CSMD1: variants seen among roughly 807,000 people sequenced by gnomAD.
The protein encoded by CSMD1 is CUB and sushi domain-containing protein 1.
In CSMD1, 213 loss-of-function variants were observed where a neutral mutation model predicts 417.5. The ratio of observed to expected loss-of-function variants is 0.51; its 90% CI spans 0.46 to 0.57. CSMD1 has a LOEUF of 0.57. Ranked by LOEUF, CSMD1 falls within the 20% of genes least tolerant of loss-of-function variation. The probability of loss-of-function intolerance (pLI) is 0.00; values close to 1 mark genes in which losing one functional copy is unlikely to be tolerated. For synonymous variants in CSMD1, 2,862 were observed against 1,736.8 expected, an observed-to-expected ratio of 1.65 and a Z score of -16.11; for missense variants, 6,923 against 4,529.7, an observed-to-expected ratio of 1.53 and a Z score of -15.17.
chr8:4,305,204 C>A (rs1485622839), intron 3 of CSMD1, among the ~76,000 whole-genome samples: 3 of 152,138 alleles, frequency 2.0e-5, no homozygotes, highest in African/African-American at 7.2e-5. Context: ...AAACACACTC[C>A]CCAACAGAGA....
intron 5 of CSMD1, among the ~76,000 whole-genome samples, chr8:3,992,657 T>A (rs1814849417): frequency 6.6e-6 from 1 of 152,120 alleles, no homozygotes; most frequent in South Asian, 2.1e-4. Context: ...GTTCTGCACC[T>A]GTAGTCCCAG....
At chr8:3,512,737 T>C (rs1797128802) in intron 10 of CSMD1, among the ~76,000 whole-genome samples, 1 of 151,780 alleles carries the variant, frequency 6.6e-6, no homozygotes, top group South Asian at 2.1e-4. Context: ...GCTTCCCAAG[T>C]AGCTGGGACT....
At chr8:3,462,995 G>A (rs765076761) in intron 12 of CSMD1, among the ~76,000 whole-genome samples, 28 of 152,196 alleles carry the variant, frequency 1.8e-4, no homozygotes, top group African/African-American at 4.6e-4. Context: ...TGTCCACCAC[G>A]TGAGGACACA....
intron 3 of CSMD1, among the ~76,000 whole-genome samples, chr8:4,212,718 A>T (rs1226045055): frequency 6.7e-6 from 1 of 149,562 alleles, no homozygotes; most frequent in East Asian, 2.0e-4. Context: ...TGAATATGAA[A>T]CATTGTGAAA....
At chr8:4,223,590 A>T (rs923707188) in intron 3 of CSMD1, among the ~76,000 whole-genome samples, 2 of 152,238 alleles carry the variant, frequency 1.3e-5, no homozygotes, top group Non-Finnish European at 2.9e-5. Context: ...AATGTTCATC[A>T]AAGCAGGTTG....
rs570514163 is a variant in CSMD1 at position 4,090,816 on chromosome 8, A to C, written c.416-58717T>G. Among the ~76,000 whole-genome samples, 13 of 152,362 alleles carry C rather than the reference A, an allele frequency of 8.5e-5. No individual in the cohort carries two copies. In the South Asian group the frequency reaches 2.7e-3, roughly 32 times the overall value. On this transcript the variant is annotated intron_variant, in intron 3 of 69. Coordinates refer to ENST00000635120, the MANE Select transcript of CSMD1 (RefSeq NM_033225.6). Reference sequence around the variant, plus strand: ...CGTGGTTAAAGAACATATATTCTTTAAGTCGAATGAAAAAATAGAAATATT... The same window carrying C: ...CGTGGTTAAAGAACATATATTCTTTCAGTCGAATGAAAAAATAGAAATATT...
intron 3 of CSMD1, among the ~76,000 whole-genome samples, chr8:4,225,068 C>T (rs1268842740): frequency 6.6e-6 from 1 of 152,184 alleles, no homozygotes; most frequent in Non-Finnish European, 1.5e-5. Flanking sequence ...GCTGACATCA[C>T]ACCACTGCAC....
Position 3,575,078 on chromosome 8 carries a change from T to A in CSMD1, c.1223-12A>T. The A allele has an allele frequency of 6.2e-7, 1 of 1,610,904 alleles. No homozygotes were observed. Among genetic ancestry groups the A allele is most frequent in the Non-Finnish European group, 8.5e-7 (1 of 1,178,678 alleles). On this transcript the variant is annotated splice_polypyrimidine_tract_variant and intron_variant, in intron 9 of 69. Coordinates refer to ENST00000635120, the MANE Select transcript of CSMD1 (RefSeq NM_033225.6). ...TCCACATGTTCTCGCTGGAAACACATAGAAACGACGTTATTTTCTACAACA... is the reference window on the plus strand; with the variant it reads ...TCCACATGTTCTCGCTGGAAACACAAAGAAACGACGTTATTTTCTACAACA...
chr8:4,621,652 G>A (rs1801786635), intron 2 of CSMD1, among the ~76,000 whole-genome samples: 1 of 151,918 alleles, frequency 6.6e-6, no homozygotes, highest in African/African-American at 2.4e-5. Flanking sequence ...AGAAACAGAG[G>A]AGAAAACAGT....
At chr8:3,915,108 A>G (rs1808725093) in intron 5 of CSMD1, among the ~76,000 whole-genome samples, 1 of 152,066 alleles carries the variant, frequency 6.6e-6, no homozygotes, top group South Asian at 2.1e-4. Context: ...ATGAAGAGTC[A>G]AGAGTTTAGG....
chr8:4,926,696 A>T (rs1478089916), intron 1 of CSMD1, among the ~76,000 whole-genome samples: 2 of 152,078 alleles, frequency 1.3e-5, no homozygotes, highest in African/African-American at 4.8e-5. Flanking sequence ...TTTTTCGGTC[A>T]GTTAATACAA....
At chr8:3,333,542 T>C (rs571232615) in intron 23 of CSMD1, among the ~76,000 whole-genome samples, 2 of 152,336 alleles carry the variant, frequency 1.3e-5, no homozygotes, top group Non-Finnish European at 2.9e-5. Context: ...TACTGCAATT[T>C]ACAAACTACA....
At chr8:3,025,424 T>C (rs1483945810) in intron 51 of CSMD1, among the ~76,000 whole-genome samples, 2 of 152,076 alleles carry the variant, frequency 1.3e-5, no homozygotes, top group Non-Finnish European at 2.9e-5. Flanking sequence ...TGTGTGGTGT[T>C]ATTCTGAAAC....
intron 3 of CSMD1, among the ~76,000 whole-genome samples, chr8:4,217,326 G>A (rs886158890): frequency 6.6e-6 from 1 of 152,164 alleles, no homozygotes; most frequent in African/African-American, 2.4e-5. Flanking sequence ...TGTGTGCCAG[G>A]TGCTGCCTTG....
At chr8:4,035,599 G>C (rs1364066028) in intron 3 of CSMD1, among the ~76,000 whole-genome samples, 1 of 152,120 alleles carries the variant, frequency 6.6e-6, no homozygotes, top group East Asian at 1.9e-4. Context: ...AATTTTTAAT[G>C]AATACAGTTT....
At chr8:4,852,967 T>C (rs1389679774) in intron 1 of CSMD1, among the ~76,000 whole-genome samples, 2 of 152,222 alleles carry the variant, frequency 1.3e-5, no homozygotes, top group South Asian at 2.1e-4. Context: ...GCATTCATGA[T>C]GTGGCCTGGC....
intron 50 of CSMD1, among the ~76,000 whole-genome samples, chr8:3,041,656 G>C (rs915158043): frequency 8.5e-5 from 13 of 152,190 alleles, no homozygotes; most frequent in Admixed American, 5.9e-4. Context: ...ATAGAAATGT[G>C]TGCTAATATT....
chr8:3,795,723 G>C (rs191768138), intron 5 of CSMD1, among the ~76,000 whole-genome samples: 1 of 44,244 alleles, frequency 2.3e-5, no homozygotes, highest in South Asian at 6.6e-4. Context: ...TACAGCTATA[G>C]ATATCTATCA....
chr8:4,358,629 A>C (rs548502674), intron 3 of CSMD1, among the ~76,000 whole-genome samples: 1 of 152,334 alleles, frequency 6.6e-6, no homozygotes, highest in African/African-American at 2.4e-5. Flanking sequence ...TAACTATATC[A>C]TGCAATAATT....
Sources: allele counts gnomAD v4.1 joint callset (sites outside exome capture counted in the v4.1 genomes callset), GRCh38; gene constraint gnomAD v4.1.1; transcripts MANE v1.5; gene names NCBI Gene and HGNC (gene_info 2026-07-23, HGNC 2026-07-21).